The following SULF2 variants were observed in gnomAD, a reference collection of about 807,000 sequenced individuals.
The protein encoded by SULF2 is extracellular sulfatase Sulf-2.
Under a neutral mutation model 107.7 loss-of-function variants are expected in SULF2, and 52 were observed. The observed-to-expected ratio is 0.48, with a 90% CI of 0.39 to 0.61. SULF2 has a LOEUF of 0.61. Among genes scored for constraint, SULF2 ranks in the 20% least tolerant of loss-of-function variants. The pLI is 0.00. For synonymous variants in SULF2, 460 were observed against 464.3 expected, an observed-to-expected ratio of 0.99 and a Z score of 0.12; for missense variants, 993 against 1,177.3, an observed-to-expected ratio of 0.84 and a Z score of 2.29.
At chr20:47,716,205 T>G (rs1484666453) in intron 3 of SULF2, among the ~76,000 whole-genome samples, 1 of 152,218 alleles carries the variant, frequency 6.6e-6, no homozygotes, top group East Asian at 1.9e-4. Flanking sequence ...AAAACATATT[T>G]GTTCACTCAT....
chr20:47,669,411 A>G (rs991476229), intron 11 of SULF2, among the ~76,000 whole-genome samples: 1 of 152,148 alleles, frequency 6.6e-6, no homozygotes, highest in Non-Finnish European at 1.5e-5. Flanking sequence ...GCGTTGCAAG[A>G]TGTTTTGCCG....
chr20:47,735,538 C>T (rs6066454), intron 3 of SULF2, among the ~76,000 whole-genome samples: 43,623 of 152,048 alleles, frequency 0.29, 6,917 homozygotes, highest in Middle Eastern at 0.38. Context: ...TCCAGGCCCC[C>T]GCCAATCATC....
intron 1 of SULF2, among the ~76,000 whole-genome samples, chr20:47,758,162 C>CT (rs373618271): frequency 0.34 from 41,356 of 122,190 alleles, 7,469 homozygotes; most frequent in South Asian, 0.43. Context: ...AAAAGTATTC[C>CT]TTTTTTTTTT....
At chr20:47,708,019 T>C (rs1185698371) in intron 3 of SULF2, among the ~76,000 whole-genome samples, 9 of 152,148 alleles carry the variant, frequency 5.9e-5, no homozygotes, top group African/African-American at 2.2e-4. Context: ...CCCACTGCCC[T>C]AGGGAAGGTA....
At chr20:47,775,868 A>G (rs2090715532) in intron 1 of SULF2, among the ~76,000 whole-genome samples, 1 of 152,238 alleles carries the variant, frequency 6.6e-6, no homozygotes, top group South Asian at 2.1e-4. Flanking sequence ...TATTATTACT[A>G]CACACTTGCA....
intron 11 of SULF2, among the ~76,000 whole-genome samples, chr20:47,669,898 T>C (rs889973603): frequency 2.0e-5 from 3 of 152,218 alleles, no homozygotes; most frequent in African/African-American, 7.2e-5. Flanking sequence ...TGCCACATAT[T>C]GAAGCAAGGA....
chr20:47,660,426 G>A (rs2087027342), intron 18 of SULF2, among the ~76,000 whole-genome samples: 1 of 152,074 alleles, frequency 6.6e-6, no homozygotes, highest in Non-Finnish European at 1.5e-5. Context: ...AACTAGAGCC[G>A]ACGGTAGCGT....
intron 1 of SULF2, among the ~76,000 whole-genome samples, chr20:47,779,929 A>G (rs984035416): frequency 1.3e-5 from 2 of 152,054 alleles, no homozygotes; most frequent in African/African-American, 4.8e-5. Flanking sequence ...TATTTAAAAT[A>G]AAGTCTAAAA....
Position 47,666,293 on chromosome 20 carries a change from T to G in SULF2, c.1772A>C (p.Tyr591Ser), listed in dbSNP as rs758869255. 3.1e-6 allele frequency: 5 copies of G among 1,614,142 alleles called. No homozygotes were observed. Among genetic ancestry groups the G allele is most frequent in the Non-Finnish European group, 4.2e-6 (5 of 1,180,048 alleles). ...CACTTTAATGGGGTTGGCGGCTGAGTAGTCGGGAAGGCCTCCAGTGCCACT... is the reference window on the plus strand; with the variant it reads ...CACTTTAATGGGGTTGGCGGCTGAGGAGTCGGGAAGGCCTCCAGTGCCACT... ...DFSGTGGLPD[Y>S]SAANPIKVTH... The change falls in exon 12 of 21, where the codon TAC becomes TCC. Residue 591 changes from tyrosine (Y) to serine (S), a missense_variant. Tyr to Ser is a moderately radical substitution (Grantham distance 144). Coordinates refer to ENST00000688720, the MANE Select transcript of SULF2 (RefSeq NM_001387048.1). The surrounding 1 kb of genome is among the most constrained non-coding windows in gnomAD (Gnocchi z 5.4).
Position 47,750,990 on chromosome 20 carries a change from G to A in SULF2, c.175+6199C>T, listed in dbSNP as rs533565792. On this transcript the variant is annotated intron_variant, in intron 2 of 20. Transcript: ENST00000688720. ...TTCTCCACCTTTCTCCTGGTTGATC[G>A]CCCCTCCTGGCTTCCCCTCCTGGCT... Among the ~76,000 whole-genome samples, 46 of 152,124 alleles carry A rather than the reference G, an allele frequency of 3.0e-4. No homozygotes were observed. In the South Asian group the frequency reaches 3.1e-3, roughly 10 times the overall value.
intron 11 of SULF2, among the ~76,000 whole-genome samples, chr20:47,667,947 C>T (rs527626457): frequency 5.3e-5 from 8 of 152,274 alleles, no homozygotes; most frequent in East Asian, 3.9e-4. Context: ...TCACAAGGGC[C>T]GAAGGATCCT....
intron 2 of SULF2, among the ~76,000 whole-genome samples, chr20:47,746,982 T>TAAAAA (rs61191776): frequency 5.0e-5 from 6 of 121,140 alleles, no homozygotes; most frequent in Non-Finnish European, 9.8e-5. Context: ...CTTAAATAAA[T>TAAAAA]AAAAAAAAAA....
chr20:47,759,694 AAACAAC>A (rs199947058), intron 1 of SULF2, among the ~76,000 whole-genome samples: 1 of 152,082 alleles, frequency 6.6e-6, no homozygotes, highest in African/African-American at 2.4e-5. Context: ...TCCGTCTCAA[AAACAAC>A]AACAACAACA....
At chr20:47,754,637 C>T (rs908410843) in intron 2 of SULF2, among the ~76,000 whole-genome samples, 1 of 152,204 alleles carries the variant, frequency 6.6e-6, no homozygotes, top group South Asian at 2.1e-4. Flanking sequence ...CCCACCGCAT[C>T]CACCTCCTAG....
intron 3 of SULF2, among the ~76,000 whole-genome samples, chr20:47,716,653 C>A (rs565218811): frequency 6.6e-6 from 1 of 152,280 alleles, no homozygotes; most frequent in East Asian, 1.9e-4. Flanking sequence ...GGCATTCAAT[C>A]TGCTGAGATA....
At chr20:47,671,798 T>C (rs768066911) in intron 11 of SULF2, among the ~76,000 whole-genome samples, 8 of 152,278 alleles carry the variant, frequency 5.3e-5, no homozygotes, top group Non-Finnish European at 1.2e-4. Context: ...CACTGCAGCC[T>C]CTGCCTCCTG....
chr20:47,735,442 C>T (rs1361741737), intron 3 of SULF2, among the ~76,000 whole-genome samples: 1 of 152,188 alleles, frequency 6.6e-6, no homozygotes, highest in Admixed American at 6.5e-5. Context: ...CATGGCTGTA[C>T]TTTCTAGAGC....
chr20:47,687,653 G>A (rs185244488), intron 5 of SULF2, among the ~76,000 whole-genome samples: 27 of 151,698 alleles, frequency 1.8e-4, no homozygotes, highest in East Asian at 3.9e-4. Context: ...CTTTGTTTGC[G>A]TGTGTGTATG....
At chr20:47,683,261 C>T (rs1020938040) in intron 6 of SULF2, 92 bp from the exon 7 acceptor site, 1 of 1,281,296 alleles carries the variant, frequency 7.8e-7, no homozygotes, top group South Asian at 1.6e-5. Context: ...ATCTCAGGCC[C>T]CGTCCCTCCC....
Sources: gnomAD v4.1 joint callset for allele counts (sites outside exome capture counted in the v4.1 genomes callset) on GRCh38, gnomAD v4.1.1 for gene constraint, Gnocchi (gnomAD v3.1) non-coding constraint, MANE v1.5 for transcripts, NCBI Gene and HGNC (gene_info 2026-07-23, HGNC 2026-07-21) for gene names.